PAK1: variants seen among roughly 807,000 people sequenced by gnomAD.
The protein encoded by PAK1 is serine/threonine-protein kinase PAK 1.
PAK1 carries 29 observed loss-of-function variants against 67.4 expected under a neutral mutation model. That is an observed-to-expected ratio of 0.43 (90% confidence interval 0.32 to 0.59). PAK1 has a LOEUF of 0.59. PAK1 is among the 20% of genes least tolerant of loss of function. PAK1 has a pLI of 0.07. For synonymous variants in PAK1, 223 were observed against 237.4 expected, an observed-to-expected ratio of 0.94 and a Z score of 0.56; for missense variants, 337 against 670.7, an observed-to-expected ratio of 0.50 and a Z score of 5.50.
At chr11:77,495,858 T>TA in the PAK1 span, among the ~76,000 whole-genome samples, 2 of 152,136 alleles carry the variant, frequency 1.3e-5, no homozygotes, top group Non-Finnish European at 2.9e-5. Context: ...AGACAGAAAG[T>TA]ACAACGGTGG....
intron 14 of PAK1, among the ~76,000 whole-genome samples, chr11:77,326,217 T>A (rs1457711698): frequency 6.6e-6 from 1 of 152,218 alleles, no homozygotes; most frequent in East Asian, 1.9e-4. Context: ...TGCAACCATA[T>A]AAAATTATCA....
At chr11:77,429,818 G>A (rs993629968) in intron 1 of PAK1, among the ~76,000 whole-genome samples, 3 of 152,182 alleles carry the variant, frequency 2.0e-5, no homozygotes, top group Non-Finnish European at 4.4e-5. Flanking sequence ...TTAGATAATA[G>A]TAATGTAACA....
chr11:77,479,602 C>CTTTTTT (rs34649009), upstream of PAK1, among the ~76,000 whole-genome samples: 1 of 80,538 alleles, frequency 1.2e-5, no homozygotes, highest in Non-Finnish European at 2.2e-5. Context: ...GAAAAATAAA[C>CTTTTTT]TTTTTTTTTT....
At chr11:77,393,378 T>C (rs12420360) in intron 1 of PAK1, among the ~76,000 whole-genome samples, 16,489 of 151,364 alleles carry the variant, frequency 0.11, 2,173 homozygotes, top group African/African-American at 0.3. Flanking sequence ...CACTGCAGCC[T>C]CAAACTCCAG....
In PAK1 at chr11:77,362,845, G is replaced by A. The variant is rs1946987595; in HGVS notation, c.478-3828C>T. ...GGGGCACTCAGTAATTGAAAAAGTG[G>A]AGATAATGGGAACAGGATTGTGAAG... On this transcript the variant is annotated intron_variant, in intron 5 of 14. Coordinates refer to ENST00000356341, the MANE Select transcript of PAK1 (RefSeq NM_002576.5). 2.0e-5 allele frequency among the ~76,000 whole-genome samples: 3 copies of A among 152,220 alleles called. No homozygotes were observed. The South Asian group carries it at 6.2e-4, about 32-fold the overall frequency.
intron 5 of PAK1, among the ~76,000 whole-genome samples, chr11:77,362,854 G>T (rs1378046824): frequency 6.6e-6 from 1 of 152,146 alleles, no homozygotes; most frequent in African/African-American, 2.4e-5. Flanking sequence ...GGAGATAATG[G>T]GAACAGGATT....
chr11:77,430,999 G>C (rs1955833117), intron 1 of PAK1, among the ~76,000 whole-genome samples: 1 of 152,100 alleles, frequency 6.6e-6, no homozygotes, highest in Non-Finnish European at 1.5e-5. Context: ...ACATGAGAAG[G>C]ATCTAGGTTG....
intron 1 of PAK1, among the ~76,000 whole-genome samples, chr11:77,398,655 A>G (rs984778874): frequency 2.0e-5 from 3 of 152,214 alleles, no homozygotes; most frequent in African/African-American, 7.2e-5. Context: ...GAGTGCAGAT[A>G]TCTCTTCAAT....
At chr11:77,328,729 A>G (rs1470992947) in intron 14 of PAK1, among the ~76,000 whole-genome samples, 2 of 152,104 alleles carry the variant, frequency 1.3e-5, no homozygotes, top group Admixed American at 6.5e-5. Flanking sequence ...AAGAACTAGA[A>G]AAGCAAGAGC....
chr11:77,467,789 A>T (rs2135545073), intron 1 of PAK1, among the ~76,000 whole-genome samples: 1 of 152,348 alleles, frequency 6.6e-6, no homozygotes, highest in East Asian at 1.9e-4. Flanking sequence ...TAAGTTAGGT[A>T]TTATTTCTTT....
intron 14 of PAK1, among the ~76,000 whole-genome samples, chr11:77,326,166 T>C (rs1046930764): frequency 9.2e-5 from 14 of 152,176 alleles, no homozygotes; most frequent in African/African-American, 2.9e-4. Flanking sequence ...TTGAAACATA[T>C]ATGTTAAATA....
intron 1 of PAK1, among the ~76,000 whole-genome samples, chr11:77,473,070 T>C (rs188125315): frequency 7.4e-4 from 112 of 152,314 alleles, no homozygotes; most frequent in Non-Finnish European, 3.8e-4. Flanking sequence ...TACCAGCCCT[T>C]ATTTTTCAGG....
At chr11:77,414,363 C>G (rs1954834118) in intron 1 of PAK1, among the ~76,000 whole-genome samples, 1 of 152,170 alleles carries the variant, frequency 6.6e-6, no homozygotes, top group South Asian at 2.1e-4. Flanking sequence ...CCCTGTCCAC[C>G]AGAATAACTT....
rs142150168 is a variant in PAK1 at position 77,424,014 on chromosome 11, G to T, written c.-21-31473C>A. Among the ~76,000 whole-genome samples, 350 of 152,288 alleles carry T rather than the reference G, an allele frequency of 2.3e-3. 2 individuals carry two copies. The highest frequency in any genetic ancestry group is 7.6e-3 in the African/African-American group (315 of 41,546). ...TGGGGGCTCACAAAATTTGGTGAAG[G>T]TTGGAAAAATAGGCTTAAGGCTAAA... On this transcript the variant is annotated intron_variant, in intron 1 of 14. Transcript: ENST00000356341.
rs745628500 is a variant in PAK1 at position 77,331,863 on chromosome 11, T to C, written c.1551+867A>G. Among the ~76,000 whole-genome samples, 12 of 151,834 alleles carry C rather than the reference T, an allele frequency of 7.9e-5. No homozygotes were observed. The East Asian group carries it at 9.6e-4, about 12-fold the overall frequency. ...ACATAAATAAAATAAAATAAACTTA[T>C]GTTCCTTTGCTAAAAATGTATCCTT... On this transcript the variant is annotated intron_variant, in intron 14 of 14. Transcript: ENST00000356341.
At chr11:77,432,337 T>C (rs994192085) in intron 1 of PAK1, among the ~76,000 whole-genome samples, 1 of 152,108 alleles carries the variant, frequency 6.6e-6, no homozygotes, top group African/African-American at 2.4e-5. Flanking sequence ...GTTAATATCA[T>C]ACTAAACTGA....
chr11:77,343,925 T>C lies in PAK1; in HGVS notation c.892A>G (p.Ile298Val), dbSNP rs1218565666. 1 of 1,603,230 alleles carries C rather than the reference T, an allele frequency of 6.2e-7. No individual in the cohort carries two copies. Among genetic ancestry groups the C allele is most frequent in the Middle Eastern group, 1.7e-4 (1 of 6,034 alleles). The part of the protein sequence containing the change: ...MDVATGQEVA[I>V]KQMNLQQQPK... The stretch of plus-strand genomic sequence containing the variant: ...TGCTGCTGAAGATTCATCTGCTTAA[T>C]GGCCACCTGAAATCAAGAGTATATT... The change falls in exon 10 of 15, where the codon ATT (isoleucine) becomes GTT (valine). Residue 298 changes from isoleucine to valine, a missense_variant. By Grantham distance (29) the Ile-to-Val change is conservative (BLOSUM62 3). This residue lies in a region of PAK1 where 18 missense variants were observed against 45.2 expected (regional missense o/e 0.40). Coordinates refer to ENST00000356341, the MANE Select transcript of PAK1 (RefSeq NM_002576.5).
In PAK1 at chr11:77,451,134, C is replaced by A. The variant is rs187285574; in HGVS notation, c.-22+22418G>T. ...ACATTTACTGACTACCTATTATGTTCCAGCCACCACTTTGATTCTTTATAA... is the reference window on the plus strand; with the variant it reads ...ACATTTACTGACTACCTATTATGTTACAGCCACCACTTTGATTCTTTATAA... On this transcript the variant is annotated intron_variant, in intron 1 of 14. Coordinates refer to ENST00000356341, the MANE Select transcript of PAK1 (RefSeq NM_002576.5). Among the ~76,000 whole-genome samples, 511 of 152,316 alleles carry A rather than the reference C, an allele frequency of 3.4e-3. 2 individuals carry two copies. The highest frequency in any genetic ancestry group is 0.012 in the African/African-American group (496 of 41,558).
Position 77,328,319 on chromosome 11 carries a change from C to T in PAK1, c.1551+4411G>A, listed in dbSNP as rs1940558565. Among the ~76,000 whole-genome samples the T allele has an allele frequency of 2.6e-5, 4 of 152,312 alleles. No homozygotes were observed. In the South Asian group the frequency reaches 8.3e-4, roughly 32 times the overall value. ...ATCTACAGAACTCTCCACCCCAAAT[C>T]AACAGAATATACATTCTTTTCAGCA... On this transcript the variant is annotated intron_variant, in intron 14 of 14. Coordinates refer to ENST00000356341, the MANE Select transcript of PAK1 (RefSeq NM_002576.5).
Sources: gnomAD v4.1 joint callset for allele counts (sites outside exome capture counted in the v4.1 genomes callset) on GRCh38, gnomAD v4.1.1 for gene constraint, gnomAD v4.1.1 regional missense constraint, MANE v1.5 for transcripts, NCBI Gene and HGNC (gene_info 2026-07-23, HGNC 2026-07-21) for gene names.